Variants in SSBP3 observed in about 807,000 individuals in gnomAD.
The protein encoded by SSBP3 is single stranded DNA binding protein 3.
In SSBP3, 5 loss-of-function variants were observed where a neutral mutation model predicts 69.6. The observed-to-expected ratio is 0.07, with a 90% CI of 0.04 to 0.15. SSBP3 has a LOEUF of 0.15. Ranked by LOEUF, SSBP3 falls within the 10% of genes least tolerant of loss-of-function variation. The pLI, the probability that SSBP3 is intolerant of heterozygous loss-of-function variation, is 1.00. For synonymous variants in SSBP3, 196 were observed against 193.4 expected (o/e 1.01, Z -0.11); for missense variants, 312 against 534.0 (o/e 0.58, Z 4.10).
intron 4 of SSBP3, among the ~76,000 whole-genome samples, chr1:54,332,963 C>A (rs977077761): frequency 6.6e-6 from 1 of 152,178 alleles, no homozygotes; most frequent in South Asian, 2.1e-4. Flanking sequence ...CCTCCTCCCA[C>A]GCAGCATTGT....
chr1:54,406,619 CCT>C (rs1649795359), upstream of SSBP3, among the ~76,000 whole-genome samples: 1 of 152,006 alleles, frequency 6.6e-6, no homozygotes, highest in African/African-American at 2.4e-5. Flanking sequence ...GGGGCGCGAG[CCT>C]CTCTTTCTGT....
intron 4 of SSBP3, among the ~76,000 whole-genome samples, chr1:54,370,597 G>A (rs374552442): frequency 5.3e-5 from 8 of 152,266 alleles, no homozygotes; most frequent in East Asian, 1.9e-4. Context: ...AGCCACCTGC[G>A]TTTTTATCAA....
At chr1:54,277,915 C>T (rs187302593) in intron 5 of SSBP3, among the ~76,000 whole-genome samples, 59 of 152,154 alleles carry the variant, frequency 3.9e-4, no homozygotes, top group Non-Finnish European at 6.3e-4. Context: ...GCAGCCCAAC[C>T]GAGCTAAGCT....
At chr1:54,388,346 G>C (rs1648236938) in intron 4 of SSBP3, among the ~76,000 whole-genome samples, 1 of 152,208 alleles carries the variant, frequency 6.6e-6, no homozygotes, top group South Asian at 2.1e-4. Flanking sequence ...ACTTCTCTGA[G>C]CCCTGGCTTC....
chr1:54,345,925 T>C (rs1461545777), intron 4 of SSBP3, among the ~76,000 whole-genome samples: 2 of 150,432 alleles, frequency 1.3e-5, no homozygotes, highest in Non-Finnish European at 3.0e-5. Context: ...GTGGATCACT[T>C]GAGGTCAGGA....
chr1:54,297,229 C>T (rs1306993273), intron 4 of SSBP3, among the ~76,000 whole-genome samples: 1 of 152,196 alleles, frequency 6.6e-6, no homozygotes, highest in Non-Finnish European at 1.5e-5. Context: ...CAATTTGGGA[C>T]AGGAGTCCAA....
At position 54,345,129 on chromosome 1, in the gene SSBP3, G is replaced by A. The variant is rs537631814; in HGVS notation, c.276+56732C>T. Among the ~76,000 whole-genome samples the A allele has an allele frequency of 1.3e-4, 20 of 152,250 alleles. No homozygotes were observed. The South Asian group carries it at 3.1e-3, about 24-fold the overall frequency. On this transcript the variant is annotated intron_variant, in intron 4 of 17. Coordinates refer to ENST00000610401, the Ensembl canonical transcript of SSBP3. ...TAGAAAGTTACAAGAGTTCTCGTGCGTGGCCAGCAGGCTCAGTCTCAGTTC... is the reference window on the plus strand; with the variant it reads ...TAGAAAGTTACAAGAGTTCTCGTGCATGGCCAGCAGGCTCAGTCTCAGTTC...
chr1:54,346,390 C>A (rs1646691453), intron 4 of SSBP3, among the ~76,000 whole-genome samples: 1 of 152,044 alleles, frequency 6.6e-6, no homozygotes. Flanking sequence ...TTTAGGTCCC[C>A]TTGTAACAGG....
At chr1:54,356,101 A>G (rs1222630536) in intron 4 of SSBP3, among the ~76,000 whole-genome samples, 1 of 152,210 alleles carries the variant, frequency 6.6e-6, no homozygotes, top group Non-Finnish European at 1.5e-5. Context: ...CTACCAGATT[A>G]GAAGGCCTGT....
At chr1:54,264,756 C>T (rs139565012) in intron 5 of SSBP3, among the ~76,000 whole-genome samples, 3 of 152,294 alleles carry the variant, frequency 2.0e-5, no homozygotes, top group Admixed American at 6.5e-5. Flanking sequence ...CAGCCAAATC[C>T]GCCTTTTGTC....
Position 54,302,352 on chromosome 1 carries a change from C to T in SSBP3, c.277-20825G>A, listed in dbSNP as rs1645818395. Among the ~76,000 whole-genome samples the T allele has an allele frequency of 1.4e-5, 2 of 146,786 alleles. 1 individual carries two copies. Among genetic ancestry groups the T allele is most frequent in the African/African-American group, 5.1e-5 (2 of 39,366 alleles). On this transcript the variant is annotated intron_variant, in intron 4 of 17. Transcript: ENST00000610401. ...TTTTTTTTCCTGAGAAGGAGTTTTA[C>T]TCTGTCACCCAGGCTGGAATGCAGT...
intron 4 of SSBP3, among the ~76,000 whole-genome samples, chr1:54,332,249 G>A (rs1239338462): frequency 2.0e-5 from 3 of 152,200 alleles, no homozygotes; most frequent in Non-Finnish European, 4.4e-5. Context: ...AAGGTGGCAG[G>A]AGCAGTAGGT....
At chr1:54,272,540 T>C (rs1645212858) in intron 5 of SSBP3, among the ~76,000 whole-genome samples, 1 of 149,286 alleles carries the variant, frequency 6.7e-6, no homozygotes, top group Non-Finnish European at 1.5e-5. Flanking sequence ...AGAAGGTAGG[T>C]GGGGACAGGA....
chr1:54,314,840 T>C (rs759717977), intron 4 of SSBP3, among the ~76,000 whole-genome samples: 9 of 151,958 alleles, frequency 5.9e-5, no homozygotes, highest in Non-Finnish European at 1.3e-4. Context: ...CAGTATGAAG[T>C]CAAAGCCACC....
intron 4 of SSBP3, among the ~76,000 whole-genome samples, chr1:54,337,039 C>T (rs910469430): frequency 5.9e-5 from 9 of 152,350 alleles, no homozygotes; most frequent in African/African-American, 2.2e-4. Context: ...TCAACGTCAG[C>T]CTCTGCCCCA....
At chr1:54,234,045 A>ACC (rs1469944352) in intron 14 of SSBP3, among the ~76,000 whole-genome samples, 13 of 151,216 alleles carry the variant, frequency 8.6e-5, no homozygotes, top group African/African-American at 3.2e-4. Flanking sequence ...CTGTGACCTT[A>ACC]CCCCCAACCC....
chr1:54,228,781 C>T lies in SSBP3; in HGVS notation c.973G>A (p.Gly325Ser), dbSNP rs1464028821. The change falls in exon 15 of 18, where the codon GGC becomes AGC. Residue 325 changes from glycine (G) to serine (S), a missense_variant. Coordinates refer to ENST00000610401, the Ensembl canonical transcript of SSBP3. ...CCATTCATGTGGTGTGGCTCCATGC[C>T]ACCCATGCCGCCCATCGGACCGTCC... 7.5e-6 allele frequency: 12 copies of T among 1,610,318 alleles called. No homozygotes were observed. The South Asian group carries it at 1.3e-4, about 18-fold the overall frequency.
chr1:54,255,281 TAC>T (rs1261752623), intron 7 of SSBP3, among the ~76,000 whole-genome samples: 2 of 152,106 alleles, frequency 1.3e-5, no homozygotes, highest in Non-Finnish European at 2.9e-5. Context: ...AGTAGAAATA[TAC>T]ACACCCCTCT....
chr1:54,405,885 T>G, intron 1 of SSBP3, 68 bp downstream of exon 1: 2 of 106,314 alleles, frequency 1.9e-5, no homozygotes, highest in Admixed American at 1.1e-4. Flanking sequence ...CCCGCCCACC[T>G]GCCTCCCACC....
Sources: allele counts gnomAD v4.1 joint callset (sites outside exome capture counted in the v4.1 genomes callset), GRCh38; gene constraint gnomAD v4.1.1; transcripts MANE v1.5; gene names NCBI Gene and HGNC (gene_info 2026-07-23, HGNC 2026-07-21).